Variants in ABCC4 observed in about 807,000 individuals in gnomAD.
The protein encoded by ABCC4 is ATP binding cassette subfamily C member 4 (PEL blood group).
In ABCC4, 102 loss-of-function variants were observed where a neutral mutation model predicts 168.5. The ratio of observed to expected loss-of-function variants is 0.61; its 90% confidence interval spans 0.52 to 0.71. ABCC4 has a LOEUF of 0.71. Among genes scored for constraint, ABCC4 ranks in the 30% least tolerant of loss-of-function variants. The pLI, the probability that ABCC4 is intolerant of heterozygous loss-of-function variation, is 0.00. For missense variants in ABCC4, 1,402 were observed against 1,605.8 expected, an observed-to-expected ratio of 0.87 and a Z score of 2.17; for synonymous variants, 617 against 590.7, an observed-to-expected ratio of 1.04 and a Z score of -0.65.
chr13:95,268,139 TC>T (rs2040733526), intron 1 of ABCC4, among the ~76,000 whole-genome samples: 1 of 152,146 alleles, frequency 6.6e-6, no homozygotes, highest in Non-Finnish European at 1.5e-5. Flanking sequence ...ATGCTGTTAA[TC>T]TGTAACCCTA....
At chr13:95,283,835 T>G (rs1469893771) in intron 1 of ABCC4, among the ~76,000 whole-genome samples, 1 of 147,192 alleles carries the variant, frequency 6.8e-6, no homozygotes, top group African/African-American at 2.5e-5. Flanking sequence ...GAGGCAGAGG[T>G]TGCCGTGAGC....
chr13:95,168,173 A>G (rs1453119924), intron 14 of ABCC4, among the ~76,000 whole-genome samples: 2 of 152,086 alleles, frequency 1.3e-5, no homozygotes, highest in African/African-American at 4.8e-5. Flanking sequence ...CGCCTCGCCA[A>G]ATGGTTGTTT....
chr13:95,164,292 G>A (rs2037201154), intron 16 of ABCC4, 86 bp downstream of exon 16: 2 of 1,502,350 alleles, frequency 1.3e-6, no homozygotes, highest in Non-Finnish European at 9.1e-7. Flanking sequence ...CAGACCCCAA[G>A]TGAACTGCAA....
intron 4 of ABCC4, among the ~76,000 whole-genome samples, chr13:95,218,291 T>C (rs2039179910): frequency 6.6e-6 from 1 of 152,208 alleles, no homozygotes; most frequent in African/African-American, 2.4e-5. Flanking sequence ...CTGCACAATC[T>C]AAAACCAATA....
At chr13:95,073,168 G>T in intron 24 of ABCC4, 36 bp downstream of exon 24, 1 of 1,530,126 alleles carries the variant, frequency 6.5e-7, no homozygotes, top group Non-Finnish European at 9.0e-7. Context: ...ATGGCAAGGA[G>T]ATTGAAAAGG....
intron 25 of ABCC4, among the ~76,000 whole-genome samples, chr13:95,069,735 A>G (rs1205926735): frequency 6.6e-6 from 1 of 152,214 alleles, no homozygotes. Context: ...TAATTCACTC[A>G]GCATAATGTC....
At chr13:95,193,299 G>A (rs896818406) in intron 9 of ABCC4, among the ~76,000 whole-genome samples, 3 of 152,192 alleles carry the variant, frequency 2.0e-5, no homozygotes, top group Admixed American at 6.5e-5. Context: ...ACCCGGAGAG[G>A]GGAGGAGCTG....
intron 19 of ABCC4, among the ~76,000 whole-genome samples, chr13:95,128,766 C>T (rs2035867253): frequency 6.6e-6 from 1 of 152,174 alleles, no homozygotes; most frequent in Non-Finnish European, 1.5e-5. Context: ...TTTTGGTTCC[C>T]TGAACCTACC....
At chr13:95,124,169 T>C (rs2035669947) in intron 19 of ABCC4, among the ~76,000 whole-genome samples, 1 of 152,048 alleles carries the variant, frequency 6.6e-6, no homozygotes, top group South Asian at 2.1e-4. Context: ...AGGAAGCATT[T>C]AGGAGGGGCA....
At chr13:95,240,858 C>G (rs555528527) in intron 3 of ABCC4, among the ~76,000 whole-genome samples, 18 of 151,922 alleles carry the variant, frequency 1.2e-4, no homozygotes, top group African/African-American at 4.1e-4. Context: ...GCAATCCCAG[C>G]TATTCGGGAG....
At chr13:95,213,775 T>G (rs1054925661) in intron 4 of ABCC4, among the ~76,000 whole-genome samples, 6 of 152,146 alleles carry the variant, frequency 3.9e-5, no homozygotes, top group African/African-American at 1.2e-4. Flanking sequence ...GACAGAAGGA[T>G]TCAATGCTAA....
At chr13:95,282,767 T>TAA (rs2041158766) in intron 1 of ABCC4, among the ~76,000 whole-genome samples, 1 of 151,744 alleles carries the variant, frequency 6.6e-6, no homozygotes, top group Non-Finnish European at 1.5e-5. Flanking sequence ...ACTCCTGACC[T>TAA]TGTGATCTGC....
chr13:95,287,106 C>T (rs1007300378), intron 1 of ABCC4, among the ~76,000 whole-genome samples: 1 of 151,844 alleles, frequency 6.6e-6, no homozygotes, highest in Non-Finnish European at 1.5e-5. Flanking sequence ...TGAAACCAGC[C>T]TGGGCAACAT....
At chr13:95,108,167 C>G (rs920271789) in intron 20 of ABCC4, among the ~76,000 whole-genome samples, 4 of 152,078 alleles carry the variant, frequency 2.6e-5, no homozygotes, top group Non-Finnish European at 5.9e-5. Context: ...AGTTTGTCTA[C>G]CTTTAATTCT....
intron 8 of ABCC4, among the ~76,000 whole-genome samples, chr13:95,204,821 G>A (rs2038733860): frequency 6.6e-6 from 1 of 152,152 alleles, no homozygotes; most frequent in African/African-American, 2.4e-5. Context: ...GGACACTAAT[G>A]CTTATCTCCT....
intron 25 of ABCC4, among the ~76,000 whole-genome samples, chr13:95,064,996 G>C (rs1376902869): frequency 6.6e-6 from 1 of 152,152 alleles, no homozygotes; most frequent in Non-Finnish European, 1.5e-5. Context: ...ACTGGGCCAA[G>C]AGTGGTCTCT....
At chr13:95,285,011 C>T (rs752883074) in intron 1 of ABCC4, among the ~76,000 whole-genome samples, 19 of 151,934 alleles carry the variant, frequency 1.3e-4, no homozygotes, top group Non-Finnish European at 2.2e-4. Context: ...AATGAGAGGC[C>T]GAGGAAGGAG....
At chr13:95,103,972 C>T (rs114984501) in intron 20 of ABCC4, among the ~76,000 whole-genome samples, 2,093 of 152,214 alleles carry the variant, frequency 0.014, 55 homozygotes, top group African/African-American at 0.048. Context: ...TCAGGAATAA[C>T]CAGGAAGCCT....
intron 1 of ABCC4, among the ~76,000 whole-genome samples, chr13:95,252,826 A>C (rs1471377733): frequency 6.6e-6 from 1 of 152,230 alleles, no homozygotes; most frequent in Non-Finnish European, 1.5e-5. Context: ...ACTACTGTAC[A>C]TCTATAAAGA....
Sources: allele counts gnomAD v4.1 joint callset (sites outside exome capture counted in the v4.1 genomes callset), GRCh38; gene constraint gnomAD v4.1.1; transcripts MANE v1.5; gene names NCBI Gene and HGNC (gene_info 2026-07-23, HGNC 2026-07-21).